The following NUP85 variants were observed in gnomAD, a reference collection of about 807,000 sequenced individuals.
The protein encoded by NUP85 is nucleoporin 85, also known as nuclear pore complex protein Nup85.
A neutral mutation model predicts 92.8 loss-of-function variants in NUP85; 23 were observed. That is an observed-to-expected ratio of 0.25 (90% CI 0.18 to 0.35). The LOEUF (loss-of-function observed/expected upper bound fraction) is 0.35. Among genes scored for constraint, NUP85 ranks in the 10% least tolerant of loss-of-function variants. The pLI, the probability that NUP85 is intolerant of heterozygous loss-of-function variation, is 1.00. For synonymous variants in NUP85, 314 were observed against 306.9 expected, an observed-to-expected ratio of 1.02 and a Z score of -0.24; for missense variants, 759 against 822.8, an observed-to-expected ratio of 0.92 and a Z score of 0.95.
At chr17:75,216,033 A>C (rs1003733028) in intron 6 of NUP85, among the ~76,000 whole-genome samples, 1 of 152,214 alleles carries the variant, frequency 6.6e-6, no homozygotes, top group Non-Finnish European at 1.5e-5. Context: ...TGCCTCCAAG[A>C]AACCTAAACC....
chr17:75,234,822 T>A, intron 17 of NUP85, 34 bp downstream of exon 17: 1 of 1,611,950 alleles, frequency 6.2e-7, no homozygotes, highest in Non-Finnish European at 8.5e-7. Context: ...TTTCTTTGCT[T>A]GTCAGTCCCT....
rs1323905651 is a variant in NUP85 at position 75,231,283 on chromosome 17, T to C, written c.1095-57T>C. 1.9e-6 allele frequency: 3 copies of C among 1,554,730 alleles called. No homozygotes were observed. Among genetic ancestry groups the C allele is most frequent in the Non-Finnish European group, 2.7e-6 (3 of 1,126,602 alleles). ...GGGGTTTCTTGCTCACCCCCACTCT[T>C]GTGGGACGCGGCCTGTGCCCTGATT... On this transcript the variant is annotated intron_variant, in intron 11 of 18. Coordinates refer to ENST00000245544, the MANE Select transcript of NUP85 (RefSeq NM_024844.5). The surrounding 1 kb of genome is among the most constrained non-coding windows in gnomAD (Gnocchi z 4.6).
At position 75,231,868 on chromosome 17, in the gene NUP85, G is replaced by C; in HGVS notation, c.1285G>C (p.Glu429Gln). The C allele has an allele frequency of 6.2e-7, 1 of 1,614,128 alleles. No homozygotes were observed. Among genetic ancestry groups the C allele is most frequent in the Non-Finnish European group, 8.5e-7 (1 of 1,180,020 alleles). Residue 429 changes from glutamate (E) to glutamine (Q), a missense_variant, in exon 14 of 19, where the codon GAG (glutamate) becomes CAG (glutamine). Glu to Gln is a conservative substitution (Grantham distance 29, BLOSUM62 2). Transcript: ENST00000245544. This position sits in a 1 kb window ranked among gnomAD's most constrained non-coding sequence, Gnocchi z 4.6. ...GGTCGATTACTTTGATTACTGCCCC[G>C]AGCTGGGCCGAGTCTCCCTGGAGCT... ...LGVDYFDYCP[E>Q]LGRVSLELHI...
At chr17:75,228,141 A>G in intron 11 of NUP85, 2 of 954,414 alleles carry the variant, frequency 2.1e-6, no homozygotes, top group African/African-American at 3.5e-5. Context: ...TTCCTAATTT[A>G]TAAGCCCTGT....
At chr17:75,234,839 G>A (rs1274581093) in intron 17 of NUP85, 51 bp downstream of exon 17, 14 of 1,605,054 alleles carry the variant, frequency 8.7e-6, no homozygotes, top group Non-Finnish European at 1.2e-5. Context: ...CCCTGCTAGA[G>A]CTTAGTTGTA....
At chr17:75,210,956 C>G (rs1001315707) in intron 3 of NUP85, among the ~76,000 whole-genome samples, 2 of 150,018 alleles carry the variant, frequency 1.3e-5, no homozygotes, top group South Asian at 4.2e-4. Context: ...CTGCTTCGGC[C>G]TCCCAAAGTG....
intron 11 of NUP85, 61 bp downstream of exon 11, chr17:75,226,218 C>T (rs750711255): frequency 2.8e-6 from 4 of 1,418,238 alleles, no homozygotes; most frequent in Admixed American, 1.7e-5. Context: ...CACCACCTTG[C>T]GTTTCTAGAG....
chr17:75,226,283 C>T, intron 11 of NUP85, 126 bp downstream of exon 11: 1 of 682,302 alleles, frequency 1.5e-6, no homozygotes, highest in Non-Finnish European at 2.6e-6. Context: ...TAGTCCATCT[C>T]ACGCTGATAT....
At position 75,231,697 on chromosome 17, in the gene NUP85, T is replaced by C. The variant is rs2076066431; in HGVS notation, c.1244+59T>C. ...GTGCTCTTCAGCATGCGGGTGCCAT[T>C]GGAGCTTGGACTGTTCTCTCCCAGT... On this transcript the variant is annotated intron_variant, in intron 13 of 18. Transcript: ENST00000245544. This position sits in a 1 kb window ranked among gnomAD's most constrained non-coding sequence, Gnocchi z 4.6. 8 of 1,607,376 alleles carry C rather than the reference T, an allele frequency of 5.0e-6. No homozygotes were observed. The South Asian group carries it at 7.7e-5, about 15-fold the overall frequency.
rs2145447769 is a variant in NUP85 at position 75,235,728 on chromosome 17, TTA to T, written c.*50_*51del. On this transcript the variant is annotated 3_prime_UTR_variant, in exon 19 of 19. Transcript: ENST00000245544. ...TGTATGGCAATGTATATAGATTTTT[TTA>T]AAAGAATAAATGTTGTTTTGCAAAT... The T allele has an allele frequency of 1.5e-6, 2 of 1,376,164 alleles. No individual in the cohort carries two copies. The highest frequency in any genetic ancestry group is 2.1e-6 in the Non-Finnish European group (2 of 971,398). The allele number at this position is 1,376,164 out of a possible 1,614,324, so 85.2% of individuals were successfully genotyped here.
In NUP85 at chr17:75,231,804, T is replaced by A. The variant is rs777126433; in HGVS notation, c.1245-24T>A. 18 of 1,613,610 alleles carry A rather than the reference T, an allele frequency of 1.1e-5. No individual in the cohort carries two copies. The highest frequency in any genetic ancestry group is 1.5e-5 in the Non-Finnish European group (18 of 1,179,814). On this transcript the variant is annotated intron_variant, in intron 13 of 18. Transcript: ENST00000245544. This position sits in a 1 kb window ranked among gnomAD's most constrained non-coding sequence, Gnocchi z 4.6. Reference sequence around the variant, plus strand: ...CGGAGCCATGAGGCAGCACCTCATGTCTGTCCTCCTCGAACCTTTGCAGCC... The same window carrying A: ...CGGAGCCATGAGGCAGCACCTCATGACTGTCCTCCTCGAACCTTTGCAGCC...
intron 4 of NUP85, 135 bp downstream of exon 4, chr17:75,212,197 A>G: frequency 2.4e-6 from 1 of 408,966 alleles, no homozygotes; most frequent in Non-Finnish European, 4.2e-6. Flanking sequence ...TCCATCTTTC[A>G]TAATCCTTAC....
Position 75,225,846 on chromosome 17 carries a change from T to TG in NUP85, c.987+20dup. 6.3e-7 allele frequency: 1 copy of TG among 1,592,976 alleles called. No homozygotes were observed. The highest frequency in any genetic ancestry group is 8.6e-7 in the Non-Finnish European group (1 of 1,165,964). On this transcript the variant is annotated intron_variant, in intron 10 of 18. Transcript: ENST00000245544. ...TATGCCCAGGTGAGTGAGCTCGGGG[T>TG]GGGCAAGGGTGGGGGTAGGAGTCCT...
At chr17:75,219,347 G>GCA (rs1460137274) in intron 7 of NUP85, among the ~76,000 whole-genome samples, 1 of 152,130 alleles carries the variant, frequency 6.6e-6, no homozygotes, top group Non-Finnish European at 1.5e-5. Flanking sequence ...TGCGATCATG[G>GCA]CACAATGCAC....
At chr17:75,210,368 C>A (rs1044065532) in intron 3 of NUP85, among the ~76,000 whole-genome samples, 1 of 152,120 alleles carries the variant, frequency 6.6e-6, no homozygotes, top group African/African-American at 2.4e-5. Context: ...TGACAACAGA[C>A]CAGAAAACTC....
intron 6 of NUP85, 140 bp from the exon 7 acceptor site, chr17:75,218,045 G>C (rs1307825586): frequency 1.9e-6 from 2 of 1,055,134 alleles, no homozygotes; most frequent in Non-Finnish European, 2.8e-6. Context: ...CTGTCATTCA[G>C]GACCATGTGT....
chr17:75,226,136 A>T lies in NUP85; in HGVS notation c.1073A>T (p.His358Leu). The T allele has an allele frequency of 6.2e-7, 1 of 1,614,022 alleles. No homozygotes were observed. Among genetic ancestry groups the T allele is most frequent in the Non-Finnish European group, 8.5e-7 (1 of 1,179,978 alleles). ...TTGGCAGCCTTTGAGTTTGACATCC[A>T]TCAAGTAATCAAAGAGTGCAGGTAG... is the stretch of plus-strand genomic sequence containing the variant. ...ILLAAFEFDI[H>L]QVIKECSIAL... The change falls in exon 11 of 19, where the codon CAT (histidine) becomes CTT (leucine). Residue 358 changes from histidine (H) to leucine (L), a missense_variant. Transcript: ENST00000245544.
chr17:75,228,957 G>A (rs1337243135), intron 11 of NUP85: 2 of 985,330 alleles, frequency 2.0e-6, no homozygotes, highest in African/African-American at 3.5e-5. Flanking sequence ...GGAGATGGCA[G>A]GAGTCCTCCA....
intron 1 of NUP85, among the ~76,000 whole-genome samples, chr17:75,207,946 C>T (rs1053385338): frequency 3.9e-5 from 6 of 151,944 alleles, no homozygotes; most frequent in Non-Finnish European, 8.8e-5. Flanking sequence ...GTCGAGATTG[C>T]GTCACTGCAG....
Sources: gnomAD v4.1 joint callset for allele counts (sites outside exome capture counted in the v4.1 genomes callset) on GRCh38, gnomAD v4.1.1 for gene constraint, Gnocchi (gnomAD v3.1) non-coding constraint, MANE v1.5 for transcripts, NCBI Gene and HGNC (gene_info 2026-07-23, HGNC 2026-07-21) for gene names.